The following ANKRD10 variants were observed in gnomAD, a reference collection of about 807,000 sequenced individuals.
ANKRD10 encodes ankyrin repeat domain-containing protein 10.
A neutral mutation model predicts 27.0 loss-of-function variants in ANKRD10; 14 were observed. The ratio of observed to expected loss-of-function variants is 0.52; its 90% CI spans 0.34 to 0.81. The LOEUF (loss-of-function observed/expected upper bound fraction) is 0.81, where lower values mean the gene tolerates loss of function less well. Among genes scored for constraint, ANKRD10 ranks in the 40% least tolerant of loss-of-function variants. The pLI is 0.01. For synonymous variants in ANKRD10, 250 were observed against 224.5 expected, an observed-to-expected ratio of 1.11 and a Z score of -1.01; for missense variants, 493 against 544.0, an observed-to-expected ratio of 0.91 and a Z score of 0.93.
intron 4 of ANKRD10, among the ~76,000 whole-genome samples, chr13:110,888,096 G>C (rs2064981024): frequency 6.6e-6 from 1 of 152,090 alleles, no homozygotes; most frequent in Non-Finnish European, 1.5e-5. Context: ...CAGTGCAGAG[G>C]GTTGGGATGA....
At position 110,914,982 on chromosome 13, in the gene ANKRD10, G is replaced by A. The variant is rs2065850598; in HGVS notation, c.-48C>T. 1.3e-6 allele frequency: 2 copies of A among 1,504,274 alleles called. No homozygotes were observed. The highest frequency in any genetic ancestry group is 1.8e-6 in the Non-Finnish European group (2 of 1,131,362). 93.2% of individuals were successfully genotyped at this position (1,504,274 alleles called of 1,614,324 possible). A position where few individuals can be genotyped will look rare whatever the true frequency, so the allele number is the denominator to read the frequency against. ...GGCTCGCTGGCCTAGAGGACGCGTC[G>A]GGGAGGACTCGAGAAGCCGCCGCCG... On this transcript the variant is annotated 5_prime_UTR_variant, in exon 1 of 6. Coordinates refer to ENST00000267339, the MANE Select transcript of ANKRD10 (RefSeq NM_017664.4).
At chr13:110,909,751 A>C (rs545364748) in intron 2 of ANKRD10, among the ~76,000 whole-genome samples, 3 of 152,328 alleles carry the variant, frequency 2.0e-5, no homozygotes, top group Admixed American at 2.0e-4. Context: ...AGGGACTAGC[A>C]ACAACCTTAT....
At chr13:110,892,193 A>G (rs1307043300) in intron 4 of ANKRD10, among the ~76,000 whole-genome samples, 1 of 150,296 alleles carries the variant, frequency 6.7e-6, no homozygotes, top group Admixed American at 6.6e-5. Context: ...GCACTTTGGG[A>G]GGCCGAGGCA....
chr13:110,910,817 A>G (rs546753251), intron 1 of ANKRD10, 47 bp from the exon 2 acceptor site: 3 of 1,556,696 alleles, frequency 1.9e-6, no homozygotes, highest in South Asian at 2.4e-5. Flanking sequence ...ATGTCAGTAC[A>G]CTATTCAATA....
Position 110,906,054 on chromosome 13 carries a change from A to G in ANKRD10, c.434T>C (p.Val145Ala). The G allele has an allele frequency of 6.2e-7, 1 of 1,601,792 alleles. No individual in the cohort carries two copies. Among genetic ancestry groups the G allele is most frequent in the Non-Finnish European group, 8.5e-7 (1 of 1,173,060 alleles). Residue 145 changes from valine to alanine, a missense_variant, in exon 3 of 6, where the codon GTG (valine) becomes GCG (alanine). Val to Ala is a moderately conservative substitution (Grantham distance 64). Transcript: ENST00000267339. ...SGSLECISALVANGAHVDLRN... is the reference protein window; with the variant it reads ...SGSLECISALAANGAHVDLRN... ...TTACTCGACGTGAGCCCCATTCGCC[A>G]CAAGGGCACTGATGCATTCTAGGCT...
At chr13:110,913,851 G>T (rs1294527404) in intron 1 of ANKRD10, among the ~76,000 whole-genome samples, 1 of 152,160 alleles carries the variant, frequency 6.6e-6, no homozygotes, top group Admixed American at 6.5e-5. Context: ...TCTTATTTAA[G>T]ATTTCTGAGA....
intron 3 of ANKRD10, chr13:110,894,155 T>G (rs1435807330): frequency 6.2e-7 from 1 of 1,612,502 alleles, no homozygotes; most frequent in Non-Finnish European, 8.5e-7. Context: ...AACTCCATGT[T>G]GAAGTTCCCC....
chr13:110,894,151 ATGT>A, intron 3 of ANKRD10: 1 of 1,612,524 alleles, frequency 6.2e-7, no homozygotes. Flanking sequence ...AAGTAACTCC[ATGT>A]TGAAGTTCCC....
At position 110,878,912 on chromosome 13, in the gene ANKRD10, G is replaced by T. The variant is rs2064759722; in HGVS notation, c.*725C>A. ...TGACCTGACAGTTTCTACAAATAGT[G>T]ATTTCCACTACATATAAAGGAATCT... On this transcript the variant is annotated 3_prime_UTR_variant, in exon 6 of 6. Coordinates refer to ENST00000267339, the MANE Select transcript of ANKRD10 (RefSeq NM_017664.4). 6.6e-6 allele frequency: 1 copy of T among 152,270 alleles called. No homozygotes were observed. Among genetic ancestry groups the T allele is most frequent in the African/African-American group, 2.4e-5 (1 of 41,444 alleles). The allele number at this position is 152,270 out of a possible 1,614,324, so 9.4% of individuals were successfully genotyped here. A position where few individuals can be genotyped will look rare whatever the true frequency, so the allele number is the denominator to read the frequency against.
At chr13:110,887,930 T>C (rs966558159) in intron 4 of ANKRD10, among the ~76,000 whole-genome samples, 1 of 152,200 alleles carries the variant, frequency 6.6e-6, no homozygotes, top group Admixed American at 6.5e-5. Context: ...GGAAAGACAC[T>C]CTGCCTTCCT....
In ANKRD10 at chr13:110,904,890, C is replaced by G. The variant is rs1345935692; in HGVS notation, c.455+1143G>C. The stretch of plus-strand genomic sequence containing the variant: ...GCCAATAAACTTAACAAAACAGAAG[C>G]TAAGCTATTCACAGATGATTGACAG... On this transcript the variant is annotated intron_variant, in intron 3 of 5. Coordinates refer to ENST00000267339, the MANE Select transcript of ANKRD10 (RefSeq NM_017664.4). The G allele has an allele frequency of 3.3e-5, 5 of 152,278 alleles. No individual in the cohort carries two copies. In the East Asian group the frequency reaches 9.6e-4, roughly 29 times the overall value. The allele number at this position is 152,278 out of a possible 1,614,324, so 9.4% of individuals were successfully genotyped here. A position where few individuals can be genotyped will look rare whatever the true frequency, so the allele number is the denominator to read the frequency against.
At chr13:110,909,266 T>G (rs945518428) in intron 2 of ANKRD10, among the ~76,000 whole-genome samples, 1 of 152,174 alleles carries the variant, frequency 6.6e-6, no homozygotes, top group East Asian at 1.9e-4. Flanking sequence ...ATGGAATTAT[T>G]AACTGTATTT....
At chr13:110,897,740 TA>T (rs1265523710) in intron 3 of ANKRD10, among the ~76,000 whole-genome samples, 8 of 152,162 alleles carry the variant, frequency 5.3e-5, no homozygotes, top group Non-Finnish European at 1.2e-4. Context: ...AATCATATGG[TA>T]GTTCTATTTT....
intron 3 of ANKRD10, chr13:110,900,558 G>A: frequency 7.4e-7 from 1 of 1,347,142 alleles, no homozygotes; most frequent in South Asian, 1.1e-5. Context: ...GTGCAGAAAG[G>A]AAGCGATACT....
chr13:110,914,647 C>T, intron 1 of ANKRD10, 78 bp downstream of exon 1: 6 of 1,473,886 alleles, frequency 4.1e-6, no homozygotes, highest in Non-Finnish European at 5.4e-6. Flanking sequence ...GCCCCACGTC[C>T]CCCGCACCTC....
chr13:110,900,223 G>C (rs1350303214), intron 3 of ANKRD10, among the ~76,000 whole-genome samples: 1 of 152,194 alleles, frequency 6.6e-6, no homozygotes, highest in African/African-American at 2.4e-5. Flanking sequence ...AAGCCATTCT[G>C]ATGAGAACGA....
At chr13:110,897,735 T>C (rs1034185501) in intron 3 of ANKRD10, among the ~76,000 whole-genome samples, 4 of 152,190 alleles carry the variant, frequency 2.6e-5, no homozygotes, top group African/African-American at 9.7e-5. Context: ...TGCTGAATCA[T>C]ATGGTAGTTC....
At chr13:110,899,168 G>T (rs992841285) in intron 3 of ANKRD10, 1 of 152,204 alleles carries the variant, frequency 6.6e-6, no homozygotes, top group African/African-American at 2.4e-5. Flanking sequence ...CTCAAGTGAG[G>T]TATCAGTAGT....
intron 4 of ANKRD10, among the ~76,000 whole-genome samples, chr13:110,885,512 C>T (rs2064905121): frequency 6.6e-6 from 1 of 151,860 alleles, no homozygotes; most frequent in Non-Finnish European, 1.5e-5. Context: ...TGCGCCACTG[C>T]CCTCCAGCCT....
Sources: allele counts gnomAD v4.1 joint callset (sites outside exome capture counted in the v4.1 genomes callset), GRCh38; gene constraint gnomAD v4.1.1; transcripts MANE v1.5; gene names NCBI Gene and HGNC (gene_info 2026-07-23, HGNC 2026-07-21).